FAM3D: variants seen among roughly 807,000 people sequenced by gnomAD.
FAM3D encodes FAM3 metabolism regulating signaling molecule D, also known as protein FAM3D.
A neutral mutation model predicts 29.8 loss-of-function variants in FAM3D; 26 were observed. The ratio of observed to expected loss-of-function variants is 0.87; its 90% CI spans 0.64 to 1.21. The LOEUF (loss-of-function observed/expected upper bound fraction) is 1.21, where lower values mean the gene tolerates loss of function less well. FAM3D is among the 50% of genes most tolerant of loss of function. The probability of loss-of-function intolerance (pLI) is 0.00; values close to 1 mark genes in which losing one functional copy is unlikely to be tolerated. For missense variants in FAM3D, 253 were observed against 290.9 expected, an observed-to-expected ratio of 0.87 and a Z score of 0.95; for synonymous variants, 115 against 102.3, an observed-to-expected ratio of 1.12 and a Z score of -0.75.
chr3:58,650,471 A>C (rs1236551107), intron 3 of FAM3D, among the ~76,000 whole-genome samples: 1 of 152,140 alleles, frequency 6.6e-6, no homozygotes, highest in Non-Finnish European at 1.5e-5. Context: ...AAGCATCGGG[A>C]GAGGAGCCAT....
chr3:58,643,407 T>C (rs1280129506), intron 6 of FAM3D, among the ~76,000 whole-genome samples: 1 of 152,256 alleles, frequency 6.6e-6, no homozygotes, highest in African/African-American at 2.4e-5. Flanking sequence ...GTTTCACTCA[T>C]GTTCCATAGG....
At chr3:58,662,777 C>T (rs1481748020) in intron 1 of FAM3D, among the ~76,000 whole-genome samples, 1 of 152,222 alleles carries the variant, frequency 6.6e-6, no homozygotes, top group Admixed American at 6.5e-5. Context: ...TTACTCCCTT[C>T]TCTGGCTCCA....
At chr3:58,652,378 T>C (rs1575485888) in intron 3 of FAM3D, among the ~76,000 whole-genome samples, 1 of 151,234 alleles carries the variant, frequency 6.6e-6, no homozygotes, top group African/African-American at 2.4e-5. Flanking sequence ...GTCCATCCAT[T>C]CATTCATTCA....
chr3:58,650,073 C>T (rs2066591097), intron 3 of FAM3D, among the ~76,000 whole-genome samples: 1 of 152,236 alleles, frequency 6.6e-6, no homozygotes. Context: ...TTGGCCACTT[C>T]CTGAAATCTT....
intron 1 of FAM3D, among the ~76,000 whole-genome samples, chr3:58,662,249 C>T (rs965957803): frequency 5.9e-5 from 9 of 152,206 alleles, no homozygotes; most frequent in Non-Finnish European, 1.0e-4. Context: ...ATTCACCTCC[C>T]GCCCAGTGGG....
At chr3:58,662,148 G>C (rs539908066) in intron 1 of FAM3D, among the ~76,000 whole-genome samples, 251 of 123,982 alleles carry the variant, frequency 2.0e-3, no homozygotes, top group African/African-American at 6.4e-3. Context: ...GTGGGGCTGG[G>C]TGGAGTATCT....
At chr3:58,646,084 G>C (rs919179691) in intron 4 of FAM3D, among the ~76,000 whole-genome samples, 1 of 152,180 alleles carries the variant, frequency 6.6e-6, no homozygotes, top group Non-Finnish European at 1.5e-5. Flanking sequence ...CAACCTCCTT[G>C]CACCTCATCT....
intron 5 of FAM3D, among the ~76,000 whole-genome samples, chr3:58,645,054 C>T (rs577551929): frequency 1.3e-5 from 2 of 152,364 alleles, no homozygotes; most frequent in East Asian, 3.9e-4. Context: ...AGGTACACAG[C>T]CTTTCTCCTG....
intron 1 of FAM3D, among the ~76,000 whole-genome samples, chr3:58,664,543 T>C (rs1366998460): frequency 2.0e-5 from 3 of 152,250 alleles, no homozygotes; most frequent in African/African-American, 7.2e-5. Flanking sequence ...TTTGCACACA[T>C]TGTCTTTTTC....
At chr3:58,647,027 G>A (rs144554311) in intron 4 of FAM3D, among the ~76,000 whole-genome samples, 1 of 152,270 alleles carries the variant, frequency 6.6e-6, no homozygotes, top group African/African-American at 2.4e-5. Flanking sequence ...GCACCTTTGA[G>A]TAGGTAAAGG....
intron 1 of FAM3D, chr3:58,657,802 G>C (rs1324723288): frequency 6.6e-6 from 1 of 152,388 alleles, no homozygotes; most frequent in Non-Finnish European, 1.5e-5. Context: ...GACACTCGGA[G>C]CAGGTACACA....
At chr3:58,656,857 C>G (rs1324715071) in intron 1 of FAM3D, among the ~76,000 whole-genome samples, 3 of 152,180 alleles carry the variant, frequency 2.0e-5, no homozygotes, top group African/African-American at 7.2e-5. Context: ...CCTTGGCCCT[C>G]CATATGTACA....
chr3:58,644,118 C>G (rs1271082481), intron 5 of FAM3D, among the ~76,000 whole-genome samples: 6 of 152,296 alleles, frequency 3.9e-5, no homozygotes, highest in Non-Finnish European at 8.8e-5. Context: ...CATCCACACC[C>G]TTGTCTCTGG....
rs1471239323 is a variant in FAM3D at position 58,634,417 on chromosome 3, A to G, written c.586-49T>C. The G allele has an allele frequency of 6.5e-7, 1 of 1,539,790 alleles. No homozygotes were observed. Among genetic ancestry groups the G allele is most frequent in the Non-Finnish European group, 8.9e-7 (1 of 1,117,356 alleles). ...ATATAGGCAGTGAGTGAGGCTGTTCAGAACTCATGCCCACATGGACACTGT... is the reference window on the plus strand; with the variant it reads ...ATATAGGCAGTGAGTGAGGCTGTTCGGAACTCATGCCCACATGGACACTGT... On this transcript the variant is annotated intron_variant, in intron 9 of 9. Coordinates refer to ENST00000358781, the MANE Select transcript of FAM3D (RefSeq NM_138805.3). This position sits in a 1 kb window ranked among gnomAD's most constrained non-coding sequence, Gnocchi z 4.6.
chr3:58,645,676 T>TG (rs753878891), intron 4 of FAM3D, 50 bp from the exon 5 acceptor site: 4 of 1,527,726 alleles, frequency 2.6e-6, no homozygotes, highest in African/African-American at 1.4e-5. Flanking sequence ...AGGAGGTACT[T>TG]GGGGGAGAAG....
At chr3:58,659,167 G>T (rs1290700375) in intron 1 of FAM3D, among the ~76,000 whole-genome samples, 5 of 152,170 alleles carry the variant, frequency 3.3e-5, no homozygotes, top group African/African-American at 1.2e-4. Context: ...TCTGGAAGGG[G>T]TCCGCCGTCC....
At chr3:58,651,325 G>T (rs1390918087) in intron 3 of FAM3D, among the ~76,000 whole-genome samples, 1 of 152,222 alleles carries the variant, frequency 6.6e-6, no homozygotes, top group Non-Finnish European at 1.5e-5. Context: ...ATGAGGGTAT[G>T]TGCACTCAGG....
intron 5 of FAM3D, among the ~76,000 whole-genome samples, chr3:58,645,230 A>C (rs762128904): frequency 2.6e-4 from 39 of 152,042 alleles, no homozygotes; most frequent in Non-Finnish European, 4.9e-4. Context: ...CCCTGTCTGC[A>C]CCCCACTATC....
chr3:58,649,677 C>T lies in FAM3D; in HGVS notation c.122-339G>A, dbSNP rs140215428. 5.4e-3 allele frequency among the ~76,000 whole-genome samples: 822 copies of T among 152,250 alleles called. 12 individuals carry two copies. Among genetic ancestry groups the T allele is most frequent in the African/African-American group, 0.019 (782 of 41,538 alleles). ...GTGCACACACAGACGTGTACACACA[C>T]GCAGACATACACATGTGTGTGCATA... On this transcript the variant is annotated intron_variant, in intron 3 of 9. Coordinates refer to ENST00000358781, the MANE Select transcript of FAM3D (RefSeq NM_138805.3).
Sources: gnomAD v4.1 joint callset for allele counts (sites outside exome capture counted in the v4.1 genomes callset) on GRCh38, gnomAD v4.1.1 for gene constraint, Gnocchi (gnomAD v3.1) non-coding constraint, MANE v1.5 for transcripts, NCBI Gene and HGNC (gene_info 2026-07-23, HGNC 2026-07-21) for gene names.